The following DPP10 variants were observed in gnomAD, a reference collection of about 807,000 sequenced individuals.
DPP10 encodes the protein dipeptidyl peptidase like 10.
In DPP10, 33 loss-of-function variants were observed where a neutral mutation model predicts 120.9. That is an observed-to-expected ratio of 0.27 (90% confidence interval 0.21 to 0.37). The LOEUF (loss-of-function observed/expected upper bound fraction) is 0.37, where lower values mean the gene tolerates loss of function less well. Ranked by LOEUF, DPP10 falls within the 10% of genes least tolerant of loss-of-function variation. The pLI is 1.00. For missense variants in DPP10, 816 were observed against 942.8 expected, an observed-to-expected ratio of 0.87 and a Z score of 1.76; for synonymous variants, 337 against 326.1, an observed-to-expected ratio of 1.03 and a Z score of -0.36.
At chr2:114,751,664 A>G (rs189405616) in intron 1 of DPP10, among the ~76,000 whole-genome samples, 393 of 152,342 alleles carry the variant, frequency 2.6e-3, no homozygotes, top group African/African-American at 9.0e-3. Context: ...TAACGAGGGC[A>G]GAGCATATAG....
At chr2:114,939,588 TAATG>T (rs919611859) in intron 1 of DPP10, among the ~76,000 whole-genome samples, 19 of 152,128 alleles carry the variant, frequency 1.2e-4, no homozygotes, top group African/African-American at 4.6e-4. Flanking sequence ...GACTTAAAGA[TAATG>T]AAAGAAAAAC....
intron 3 of DPP10, among the ~76,000 whole-genome samples, chr2:115,382,749 A>G (rs915724699): frequency 2.0e-5 from 3 of 152,228 alleles, no homozygotes; most frequent in African/African-American, 4.8e-5. Context: ...CCTTATTGCC[A>G]CTTTCCATTT....
intron 1 of DPP10, among the ~76,000 whole-genome samples, chr2:115,302,930 C>T (rs887935894): frequency 2.6e-4 from 39 of 152,020 alleles, no homozygotes; most frequent in African/African-American, 6.0e-4. Context: ...AAGCAGTAGG[C>T]GGAGTAAGTA....
In DPP10 at chr2:114,508,414, G is replaced by A. The variant is rs551241853; in HGVS notation, c.60+65576G>A. On this transcript the variant is annotated intron_variant, in intron 1 of 25. Transcript: ENST00000410059. ...ACTTTTTGTGATTGACTCATGTTAA[G>A]TGTAATAATATTTTGTTTATTTTTA... Among the ~76,000 whole-genome samples, 14 of 152,264 alleles carry A rather than the reference G, an allele frequency of 9.2e-5. No individual in the cohort carries two copies. The East Asian group carries it at 2.5e-3, about 27-fold the overall frequency.
At chr2:115,162,300 C>G (rs1404537043) in intron 1 of DPP10, 2 of 1,507,980 alleles carry the variant, frequency 1.3e-6, no homozygotes, top group Admixed American at 2.3e-5. Flanking sequence ...CCCGGGGAAC[C>G]CCGGCGGGCG....
intron 1 of DPP10, among the ~76,000 whole-genome samples, chr2:114,467,294 G>A (rs886903101): frequency 6.6e-6 from 1 of 152,196 alleles, no homozygotes; most frequent in East Asian, 1.9e-4. Flanking sequence ...ACTAGACTGG[G>A]TAGAGCGTGT....
At chr2:115,162,289 C>G in intron 1 of DPP10, 1 of 1,519,344 alleles carries the variant, frequency 6.6e-7, no homozygotes, top group South Asian at 1.2e-5. Flanking sequence ...GCTGAAGGTG[C>G]CCCGGGGAAC....
intron 1 of DPP10, among the ~76,000 whole-genome samples, chr2:115,257,613 A>G (rs1382334142): frequency 6.6e-6 from 1 of 152,188 alleles, no homozygotes; most frequent in Non-Finnish European, 1.5e-5. Flanking sequence ...AACACTGGGG[A>G]TGATATCTGA....
intron 2 of DPP10, among the ~76,000 whole-genome samples, chr2:115,340,865 C>T (rs1389365159): frequency 6.6e-6 from 1 of 151,754 alleles, no homozygotes; most frequent in Non-Finnish European, 1.5e-5. Flanking sequence ...CCACCTTTAC[C>T]TATGTAAATT....
At chr2:114,649,816 GT>G (rs34048017) in intron 1 of DPP10, among the ~76,000 whole-genome samples, 31,399 of 151,094 alleles carry the variant, frequency 0.21, 6,144 homozygotes, top group African/African-American at 0.52. Context: ...TTATTTAGTA[GT>G]TTTTTTTTCA....
intron 3 of DPP10, among the ~76,000 whole-genome samples, chr2:115,475,201 G>C (rs1305095702): frequency 4.0e-5 from 6 of 151,148 alleles, no homozygotes; most frequent in Non-Finnish European, 8.8e-5. Context: ...GAATGGTTTT[G>C]AGGGCCAAGT....
chr2:115,269,933 A>T (rs1453132214), intron 1 of DPP10, among the ~76,000 whole-genome samples: 2 of 152,024 alleles, frequency 1.3e-5, no homozygotes, highest in African/African-American at 4.8e-5. Context: ...GTGGCTATAA[A>T]CTTTAGCCCT....
At chr2:114,886,818 G>A (rs1367476118) in intron 1 of DPP10, among the ~76,000 whole-genome samples, 1 of 151,980 alleles carries the variant, frequency 6.6e-6, no homozygotes, top group Non-Finnish European at 1.5e-5. Flanking sequence ...GTACTCACAG[G>A]GGCTACCTGG....
intron 1 of DPP10, among the ~76,000 whole-genome samples, chr2:114,829,508 C>T (rs1686882206): frequency 6.7e-6 from 1 of 150,186 alleles, no homozygotes; most frequent in Non-Finnish European, 1.5e-5. Context: ...CTAAGCCTCA[C>T]AGGCGCCTGC....
intron 1 of DPP10, among the ~76,000 whole-genome samples, chr2:114,791,804 G>A (rs1574198380): frequency 1.3e-5 from 2 of 152,202 alleles, no homozygotes; most frequent in Middle Eastern, 6.8e-3. Context: ...CATAGGAGGT[G>A]GGCATATTTA....
intron 1 of DPP10, among the ~76,000 whole-genome samples, chr2:114,890,088 T>C (rs1574425181): frequency 6.6e-6 from 1 of 152,176 alleles, no homozygotes; most frequent in Non-Finnish European, 1.5e-5. Flanking sequence ...TACAGTCTGG[T>C]GGAGAGACAA....
intron 1 of DPP10, among the ~76,000 whole-genome samples, chr2:115,191,792 C>G (rs372945607): frequency 6.6e-6 from 1 of 152,194 alleles, no homozygotes; most frequent in East Asian, 1.9e-4. Flanking sequence ...GGACGTGGTC[C>G]CCAGGCTGGT....
At chr2:115,134,847 A>G (rs566768217) in intron 1 of DPP10, among the ~76,000 whole-genome samples, 40 of 152,260 alleles carry the variant, frequency 2.6e-4, no homozygotes, top group African/African-American at 8.2e-4. Flanking sequence ...AAAAAGCAAG[A>G]TAAGTGTATT....
chr2:115,587,541 A>T (rs1339889406), intron 5 of DPP10, among the ~76,000 whole-genome samples: 1 of 152,194 alleles, frequency 6.6e-6, no homozygotes, highest in East Asian at 1.9e-4. Context: ...TGTCAAAATA[A>T]AATCGGTATC....
Sources: gnomAD v4.1 joint callset for allele counts (sites outside exome capture counted in the v4.1 genomes callset) on GRCh38, gnomAD v4.1.1 for gene constraint, MANE v1.5 for transcripts, NCBI Gene and HGNC (gene_info 2026-07-23, HGNC 2026-07-21) for gene names.